AGBL4: variants seen among roughly 807,000 people sequenced by gnomAD.
The protein encoded by AGBL4 is AGBL carboxypeptidase 4, also known as cytosolic carboxypeptidase 6.
A neutral mutation model predicts 66.4 loss-of-function variants in AGBL4; 58 were observed. The observed-to-expected ratio is 0.87, with a 90% CI of 0.71 to 1.09. The LOEUF is 1.09. Among genes scored for constraint, AGBL4 ranks in the 50% least tolerant of loss-of-function variants. The pLI is 0.00. For missense variants in AGBL4, 579 were observed against 631.0 expected, an observed-to-expected ratio of 0.92 and a Z score of 0.88; for synonymous variants, 234 against 222.9, an observed-to-expected ratio of 1.05 and a Z score of -0.44.
intron 4 of AGBL4, among the ~76,000 whole-genome samples, chr1:49,208,776 A>T (rs1250523487): frequency 6.6e-6 from 1 of 152,186 alleles, no homozygotes; most frequent in African/African-American, 2.4e-5. Flanking sequence ...GTTCCAAAGA[A>T]ACCCAGAACA....
chr1:49,959,472 G>A (rs1307517646), intron 1 of AGBL4, among the ~76,000 whole-genome samples: 1 of 152,050 alleles, frequency 6.6e-6, no homozygotes, highest in African/African-American at 2.4e-5. Context: ...GAAGTGTGAG[G>A]GGAGAGGCAA....
At chr1:50,015,912 A>G (rs529698320) in intron 1 of AGBL4, among the ~76,000 whole-genome samples, 30 of 152,340 alleles carry the variant, frequency 2.0e-4, no homozygotes, top group African/African-American at 7.2e-4. Context: ...CTCCCTATTC[A>G]ATAAACAGTG....
chr1:49,992,550 C>T (rs1220048934), intron 1 of AGBL4, among the ~76,000 whole-genome samples: 3 of 151,518 alleles, frequency 2.0e-5, no homozygotes, highest in African/African-American at 7.3e-5. Flanking sequence ...ATACTAGCTC[C>T]CAATAACACA....
intron 6 of AGBL4, among the ~76,000 whole-genome samples, chr1:48,866,513 C>T (rs1648104766): frequency 6.6e-6 from 1 of 152,206 alleles, no homozygotes; most frequent in Admixed American, 6.5e-5. Context: ...ACCCTGCTGG[C>T]ACCATCATCC....
chr1:49,075,037 A>G (rs1644683499), intron 4 of AGBL4, among the ~76,000 whole-genome samples: 1 of 152,214 alleles, frequency 6.6e-6, no homozygotes. Flanking sequence ...GAAACACTTG[A>G]AGAGAAAGGG....
At chr1:49,620,004 A>G (rs1447240536) in intron 3 of AGBL4, among the ~76,000 whole-genome samples, 1 of 152,214 alleles carries the variant, frequency 6.6e-6, no homozygotes, top group East Asian at 1.9e-4. Flanking sequence ...CTAAGACCTA[A>G]AACCATAAAA....
rs1177130450 is a variant in AGBL4, at chr1:48,689,399, ACCTACCTT to A, written c.635-26166_635-26159del. On this transcript the variant is annotated intron_variant, in intron 6 of 13. Coordinates refer to ENST00000371839, the MANE Select transcript of AGBL4 (RefSeq NM_032785.4). ...CACCTACCTACCTACCTACCTACCT[ACCTACCTT>A]CCTTCCTTCCTTCCTTCCTTTCTTC... 3.6e-3 allele frequency among the ~76,000 whole-genome samples: 536 copies of A among 148,754 alleles called. 3 individuals are homozygous for A. Among genetic ancestry groups the A allele is most frequent in the African/African-American group, 0.013 (512 of 39,450 alleles).
intron 4 of AGBL4, among the ~76,000 whole-genome samples, chr1:49,180,649 A>C (rs910268702): frequency 3.3e-5 from 5 of 152,220 alleles, no homozygotes; most frequent in African/African-American, 1.2e-4. Flanking sequence ...ACTGATCCAG[A>C]AGATGGGAAT....
intron 6 of AGBL4, chr1:48,776,534 C>T (rs1375767616): frequency 1.7e-6 from 2 of 1,160,054 alleles, no homozygotes; most frequent in African/African-American, 1.6e-5. Flanking sequence ...CCCCTCCGCC[C>T]GGGCCCCCGG....
intron 2 of AGBL4, among the ~76,000 whole-genome samples, chr1:49,747,933 A>AGT (rs1208392994): frequency 8.8e-6 from 1 of 114,224 alleles, no homozygotes; most frequent in Admixed American, 9.6e-5. Context: ...CAATAAAAGG[A>AGT]GTGTGTGTGT....
chr1:49,916,790 A>G (rs1651558361), intron 1 of AGBL4, among the ~76,000 whole-genome samples: 1 of 152,174 alleles, frequency 6.6e-6, no homozygotes, highest in Non-Finnish European at 1.5e-5. Flanking sequence ...TATCAGATTC[A>G]CCAAAGTTGA....
chr1:49,693,601 T>G (rs950941517), intron 3 of AGBL4, among the ~76,000 whole-genome samples: 7 of 152,084 alleles, frequency 4.6e-5, no homozygotes, highest in Admixed American at 1.3e-4. Flanking sequence ...ATTGTAATTT[T>G]TGTGTGTGTG....
At chr1:48,614,761 A>T (rs1325491168) in intron 9 of AGBL4, among the ~76,000 whole-genome samples, 4 of 152,206 alleles carry the variant, frequency 2.6e-5, no homozygotes, top group African/African-American at 9.7e-5. Flanking sequence ...ACAAAGAAAT[A>T]TGTGATTATA....
chr1:49,347,716 C>T (rs561956279), intron 3 of AGBL4, among the ~76,000 whole-genome samples: 9 of 150,880 alleles, frequency 6.0e-5, no homozygotes, highest in South Asian at 2.1e-4. Flanking sequence ...AAAAATTAGC[C>T]GGGCGTGGTG....
In AGBL4 at chr1:49,356,780, C is replaced by T. The variant is rs560635028; in HGVS notation, c.283-110916G>A. Among the ~76,000 whole-genome samples, 5 of 152,164 alleles carry T rather than the reference C, an allele frequency of 3.3e-5. No individual in the cohort carries two copies. In the South Asian group the frequency reaches 8.3e-4, roughly 25 times the overall value. On this transcript the variant is annotated intron_variant, in intron 3 of 13. Transcript: ENST00000371839. ...TCAATGTAGGCAAAGTGGGAAATGCCTTCCTGTGGAGAGTCATTTCCATTT... is the reference window on the plus strand; with the variant it reads ...TCAATGTAGGCAAAGTGGGAAATGCTTTCCTGTGGAGAGTCATTTCCATTT...
chr1:48,861,082 T>C (rs1295246540), intron 6 of AGBL4, among the ~76,000 whole-genome samples: 1 of 151,994 alleles, frequency 6.6e-6, no homozygotes, highest in East Asian at 1.9e-4. Context: ...ATGAATAAAA[T>C]TAGAAATCTT....
At chr1:49,837,762 G>A (rs190305678) in intron 2 of AGBL4, among the ~76,000 whole-genome samples, 36 of 152,214 alleles carry the variant, frequency 2.4e-4, no homozygotes, top group African/African-American at 6.5e-4. Flanking sequence ...GGAGAATGGC[G>A]TGAACCTGAG....
At chr1:49,012,055 A>AT (rs778534135) in intron 5 of AGBL4, among the ~76,000 whole-genome samples, 20 of 151,766 alleles carry the variant, frequency 1.3e-4, no homozygotes, top group South Asian at 4.2e-4. Flanking sequence ...AAAAAGCTAC[A>AT]TAAAAAAAAA....
At chr1:49,718,112 T>C (rs139452652) in intron 2 of AGBL4, among the ~76,000 whole-genome samples, 3 of 152,014 alleles carry the variant, frequency 2.0e-5, no homozygotes, top group Non-Finnish European at 4.4e-5. Context: ...CCAAATCTCA[T>C]GTTGAAATGT....
Sources: allele counts gnomAD v4.1 joint callset (sites outside exome capture counted in the v4.1 genomes callset), GRCh38; gene constraint gnomAD v4.1.1; transcripts MANE v1.5; gene names NCBI Gene and HGNC (gene_info 2026-07-23, HGNC 2026-07-21).